Variants in CNTNAP2 observed in about 807,000 individuals in gnomAD.
The protein encoded by CNTNAP2 is contactin associated protein 2, also known as contactin-associated protein-like 2.
CNTNAP2 carries 98 observed loss-of-function variants against 155.2 expected under a neutral mutation model. That is an observed-to-expected ratio of 0.63 (90% CI 0.54 to 0.75). CNTNAP2 has a LOEUF of 0.75. Among genes scored for constraint, CNTNAP2 ranks in the 30% least tolerant of loss-of-function variants. The probability of loss-of-function intolerance (pLI) is 0.00; values close to 1 mark genes in which losing one functional copy is unlikely to be tolerated. For synonymous variants in CNTNAP2, 651 were observed against 631.2 expected, an observed-to-expected ratio of 1.03 and a Z score of -0.47; for missense variants, 1,727 against 1,688.1, an observed-to-expected ratio of 1.02 and a Z score of -0.40.
chr7:146,513,393 C>A (rs1039906691), intron 1 of CNTNAP2, among the ~76,000 whole-genome samples: 6 of 151,970 alleles, frequency 3.9e-5, no homozygotes, highest in South Asian at 4.2e-4. Context: ...TTCTTACCAT[C>A]TTCCGTTTGG....
chr7:147,653,001 A>T (rs112239490), intron 13 of CNTNAP2, among the ~76,000 whole-genome samples: 1 of 152,326 alleles, frequency 6.6e-6, no homozygotes, highest in South Asian at 2.1e-4. Context: ...CCTGACAAGT[A>T]TATTAAAAAA....
chr7:146,462,857 C>G (rs902919271), intron 1 of CNTNAP2, among the ~76,000 whole-genome samples: 4 of 152,180 alleles, frequency 2.6e-5, no homozygotes, highest in Admixed American at 2.6e-4. Flanking sequence ...CTCATCATCT[C>G]TTTCTGAATA....
Position 147,431,208 on chromosome 7 carries a change from CTTTTA to C in CNTNAP2, c.1670+35432_1670+35436del, listed in dbSNP as rs368628263. On this transcript the variant is annotated intron_variant, in intron 10 of 23. Coordinates refer to ENST00000361727, the MANE Select transcript of CNTNAP2 (RefSeq NM_014141.6). ...TTAATGTCAACCACTTCTCATTTTT[CTTTTA>C]TTTGATAAATATTTCTTCTTACATA... Among the ~76,000 whole-genome samples the C allele has an allele frequency of 5.7e-4, 86 of 152,186 alleles. No individual in the cohort carries two copies. The Middle Eastern group carries it at 0.01, about 18-fold the overall frequency.
chr7:148,337,452 G>A (rs935211137), intron 21 of CNTNAP2, among the ~76,000 whole-genome samples: 4 of 152,150 alleles, frequency 2.6e-5, no homozygotes, highest in Admixed American at 1.3e-4. Context: ...TGACAGCCCT[G>A]GATCTAGCGA....
Position 147,991,487 on chromosome 7 carries a change from G to A in CNTNAP2, c.2383+13498G>A, listed in dbSNP as rs147416506. The stretch of plus-strand genomic sequence containing the variant: ...CACAACTATTTTTAACCTCAACAGG[G>A]TTTTGCACATTTATTCATCTTAACT... On this transcript the variant is annotated intron_variant, in intron 15 of 23. Transcript: ENST00000361727. Among the ~76,000 whole-genome samples the A allele has an allele frequency of 5.1e-3, 781 of 152,034 alleles. 8 individuals carry two copies. The highest frequency in any genetic ancestry group is 0.017 in the African/African-American group (711 of 41,458).
At chr7:148,049,336 T>G (rs2116491837) in intron 15 of CNTNAP2, among the ~76,000 whole-genome samples, 1 of 152,364 alleles carries the variant, frequency 6.6e-6, no homozygotes, top group South Asian at 2.1e-4. Context: ...AGGGAACAGT[T>G]ATTATAAACT....
At chr7:147,694,580 G>T (rs1796136143) in intron 13 of CNTNAP2, among the ~76,000 whole-genome samples, 1 of 152,048 alleles carries the variant, frequency 6.6e-6, no homozygotes, top group East Asian at 1.9e-4. Context: ...TCAAAGAATT[G>T]GCCCATTTCA....
chr7:146,210,843 T>A (rs546990565), intron 1 of CNTNAP2, among the ~76,000 whole-genome samples: 1 of 151,978 alleles, frequency 6.6e-6, no homozygotes, highest in South Asian at 2.1e-4. Flanking sequence ...CTTCATTTTT[T>A]TTTTTTTCGT....
chr7:147,981,419 T>A (rs560200760), intron 15 of CNTNAP2, among the ~76,000 whole-genome samples: 130 of 152,360 alleles, frequency 8.5e-4, no homozygotes, highest in African/African-American at 3.0e-3. Flanking sequence ...TCCTGCTGTT[T>A]ATAGAGATGA....
At chr7:147,119,073 A>G (rs1211280597) in intron 5 of CNTNAP2, among the ~76,000 whole-genome samples, 2 of 152,118 alleles carry the variant, frequency 1.3e-5, no homozygotes, top group Non-Finnish European at 2.9e-5. Context: ...AACAAAAGAC[A>G]TTTTTGTTTT....
rs1418552820 is a variant in CNTNAP2, at chr7:147,177,306, GT to G, written c.1348+44800del. On this transcript the variant is annotated intron_variant, in intron 8 of 23. Transcript: ENST00000361727. ...TGGAGTTAATTAAATGATGGGAGCG[GT>G]TTCCCCCATGCTGGTTTCCTGATAG... Among the ~76,000 whole-genome samples, 10 of 152,086 alleles carry G rather than the reference GT, an allele frequency of 6.6e-5. No individual in the cohort carries two copies. In the East Asian group the frequency reaches 1.9e-3, roughly 30 times the overall value.
At chr7:146,162,915 C>A (rs938386185) in intron 1 of CNTNAP2, among the ~76,000 whole-genome samples, 3 of 152,074 alleles carry the variant, frequency 2.0e-5, no homozygotes, top group Non-Finnish European at 4.4e-5. Context: ...GGACAAAAAA[C>A]CAAACACCGC....
At chr7:148,260,924 A>C (rs1254853096) in intron 20 of CNTNAP2, among the ~76,000 whole-genome samples, 2 of 152,240 alleles carry the variant, frequency 1.3e-5, no homozygotes, top group Non-Finnish European at 2.9e-5. Context: ...AAAAGTAGTA[A>C]TTTTGAAAAA....
intron 1 of CNTNAP2, among the ~76,000 whole-genome samples, chr7:146,222,174 A>C (rs2116898799): frequency 6.6e-6 from 1 of 152,340 alleles, no homozygotes; most frequent in East Asian, 1.9e-4. Flanking sequence ...AGCAAGAAAC[A>C]TCTGAGCTGC....
chr7:147,088,314 T>C (rs1800323438), intron 4 of CNTNAP2, among the ~76,000 whole-genome samples: 1 of 152,132 alleles, frequency 6.6e-6, no homozygotes, highest in Non-Finnish European at 1.5e-5. Context: ...CTAACATAAA[T>C]ATTGGAGCTT....
chr7:147,159,720 C>A (rs1801990669), intron 8 of CNTNAP2, among the ~76,000 whole-genome samples: 1 of 152,040 alleles, frequency 6.6e-6, no homozygotes, highest in African/African-American at 2.4e-5. Flanking sequence ...CCCAGGTGTA[C>A]AAATAAATTC....
At chr7:146,481,653 A>G (rs1269991158) in intron 1 of CNTNAP2, among the ~76,000 whole-genome samples, 1 of 152,174 alleles carries the variant, frequency 6.6e-6, no homozygotes, top group African/African-American at 2.4e-5. Context: ...ATACGGAATG[A>G]TTTTCACTGT....
At chr7:147,990,548 T>C (rs191311633) in intron 15 of CNTNAP2, among the ~76,000 whole-genome samples, 3 of 152,204 alleles carry the variant, frequency 2.0e-5, no homozygotes, top group African/African-American at 7.2e-5. Flanking sequence ...GGAGATTATC[T>C]TGGGGCTGGC....
At chr7:146,718,876 T>C (rs946694169) in intron 1 of CNTNAP2, among the ~76,000 whole-genome samples, 10 of 152,176 alleles carry the variant, frequency 6.6e-5, no homozygotes, top group Non-Finnish European at 2.9e-5. Flanking sequence ...GTGTTCCTAA[T>C]ATGCCAAAGT....
Sources: allele counts gnomAD v4.1 joint callset (sites outside exome capture counted in the v4.1 genomes callset), GRCh38; gene constraint gnomAD v4.1.1; transcripts MANE v1.5; gene names NCBI Gene and HGNC (gene_info 2026-07-23, HGNC 2026-07-21).